The following KIF13B variants were observed in gnomAD, a reference collection of about 807,000 sequenced individuals.
The protein encoded by KIF13B is kinesin-like protein KIF13B.
KIF13B carries 127 observed loss-of-function variants against 222.0 expected under a neutral mutation model. That is an observed-to-expected ratio of 0.57 (90% CI 0.50 to 0.66). The LOEUF is 0.66. Ranked by LOEUF, KIF13B falls within the 30% of genes least tolerant of loss-of-function variation. The pLI, the probability that KIF13B is intolerant of heterozygous loss-of-function variation, is 0.00. For missense variants in KIF13B, 2,173 were observed against 2,379.0 expected (o/e 0.91, Z 1.80); for synonymous variants, 976 against 919.0 (o/e 1.06, Z -1.12).
At chr8:29,192,769 C>G (rs1813243089) in intron 3 of KIF13B, among the ~76,000 whole-genome samples, 1 of 151,886 alleles carries the variant, frequency 6.6e-6, no homozygotes, top group African/African-American at 2.4e-5. Context: ...AAAATTAACT[C>G]AAAACGACAG....
intron 2 of KIF13B, among the ~76,000 whole-genome samples, chr8:29,228,475 AT>A (rs1563808282): frequency 4.2e-5 from 6 of 143,816 alleles, no homozygotes; most frequent in Middle Eastern, 3.3e-3. Context: ...TTAAAAAAAT[AT>A]ATATATATAT....
intron 2 of KIF13B, among the ~76,000 whole-genome samples, chr8:29,241,657 C>A (rs927564526): frequency 6.9e-6 from 1 of 144,848 alleles, no homozygotes; most frequent in Non-Finnish European, 1.5e-5. Flanking sequence ...GACATCACAG[C>A]GAAGCAGTCT....
At chr8:29,221,357 C>T (rs1258138260) in intron 2 of KIF13B, among the ~76,000 whole-genome samples, 1 of 151,540 alleles carries the variant, frequency 6.6e-6, no homozygotes, top group African/African-American at 2.4e-5. Flanking sequence ...CCCGCTTCGG[C>T]CTCCCAAAAT....
chr8:29,117,738 A>T (rs995118784), intron 30 of KIF13B, among the ~76,000 whole-genome samples: 3 of 152,260 alleles, frequency 2.0e-5, no homozygotes, highest in Non-Finnish European at 4.4e-5. Context: ...TCCTTCCTGA[A>T]TATATTTCAT....
Position 29,140,548 on chromosome 8 carries a change from C to T in KIF13B, c.2404G>A (p.Val802Met). The T allele has an allele frequency of 6.2e-7, 1 of 1,613,180 alleles. No homozygotes were observed. The change falls in exon 20 of 40, where the codon GTG becomes ATG. Residue 802 changes from valine (V) to methionine (M), a missense_variant. Coordinates refer to ENST00000524189, the MANE Select transcript of KIF13B (RefSeq NM_015254.4). Reference protein sequence around the residue: ...DEQENHSLIGVANVFLESLFY... With the variant: ...DEQENHSLIGMANVFLESLFY... ...AGTGACTCGAGGAAGACATTGGCCA[C>T]CCCAATGAGACTGTGATTTTCCTGC...
Position 29,245,559 on chromosome 8 carries a change from G to A in KIF13B, c.56-120C>T, listed in dbSNP as rs1466411399. 5 of 682,862 alleles carry A rather than the reference G, an allele frequency of 7.3e-6. No individual in the cohort carries two copies. The East Asian group carries it at 8.5e-5, about 12-fold the overall frequency. The allele number at this position is 682,862 out of a possible 1,614,324, so 42.3% of individuals were successfully genotyped here. A position where few individuals can be genotyped will look rare whatever the true frequency, so the allele number is the denominator to read the frequency against. Reference sequence around the variant, plus strand: ...CATAATGCAAACACTCAATGAAGTAGGAATAAAAAAAACTTCCTCCACTTG... The same window carrying A: ...CATAATGCAAACACTCAATGAAGTAAGAATAAAAAAAACTTCCTCCACTTG... On this transcript the variant is annotated intron_variant, in intron 1 of 39. Transcript: ENST00000524189.
At chr8:29,229,564 A>G (rs1002517432) in intron 2 of KIF13B, among the ~76,000 whole-genome samples, 2 of 152,258 alleles carry the variant, frequency 1.3e-5, no homozygotes, top group African/African-American at 2.4e-5. Flanking sequence ...TCCACAAACT[A>G]AAGTCTCTAT....
In KIF13B at chr8:29,167,438, C is replaced by G. The variant is rs375870077; in HGVS notation, c.1093G>C (p.Ala365Pro). ...TCCCGGAGATCCCGGATAATTCGGG[C>G]ATTAGGGTCCTCATTCACCACAGCG... ...NHAVVNEDPN[A>P]RIIRDLREEV... The change falls in exon 11 of 40, where the codon GCC becomes CCC. Residue 365 changes from alanine (A) to proline (P), a missense_variant. Physicochemically the swap from Ala to Pro is conservative, Grantham distance 27 (BLOSUM62 -1). Transcript: ENST00000524189. 2 of 1,613,882 alleles carry G rather than the reference C, an allele frequency of 1.2e-6. No homozygotes were observed. The highest frequency in any genetic ancestry group is 1.7e-6 in the Non-Finnish European group (2 of 1,179,882).
Position 29,148,384 on chromosome 8 carries a change from T to C in KIF13B, c.1813+193A>G, listed in dbSNP as rs118066129. Among the ~76,000 whole-genome samples the C allele has an allele frequency of 0.023, 3,445 of 150,252 alleles. 67 individuals carry two copies. Among genetic ancestry groups the C allele is most frequent in the Middle Eastern group, 0.045 (13 of 292 alleles). ...ATTTGAAAGTCCCCAATCATAAACA[T>C]TTTTAACACTCTACCGTTTTTTTTT... On this transcript the variant is annotated intron_variant, in intron 16 of 39. Coordinates refer to ENST00000524189, the MANE Select transcript of KIF13B (RefSeq NM_015254.4).
intron 26 of KIF13B, among the ~76,000 whole-genome samples, chr8:29,125,882 G>A (rs1017309742): frequency 6.6e-6 from 1 of 152,174 alleles, no homozygotes; most frequent in Admixed American, 6.5e-5. Context: ...GCCTAGGCGG[G>A]TGGATCACAA....
chr8:29,194,902 G>C (rs1253033960), intron 3 of KIF13B, among the ~76,000 whole-genome samples: 3 of 152,054 alleles, frequency 2.0e-5, no homozygotes, highest in African/African-American at 7.2e-5. Flanking sequence ...TAAATCACCA[G>C]GCAATGGTTC....
At chr8:29,079,112 C>T (rs907825913) in intron 37 of KIF13B, among the ~76,000 whole-genome samples, 1 of 152,182 alleles carries the variant, frequency 6.6e-6, no homozygotes, top group Non-Finnish European at 1.5e-5. Flanking sequence ...AGGGGACACA[C>T]CTTGCTTTGC....
chr8:29,215,290 G>A (rs912405976), intron 2 of KIF13B, among the ~76,000 whole-genome samples: 1 of 151,996 alleles, frequency 6.6e-6, no homozygotes, highest in Admixed American at 6.6e-5. Flanking sequence ...GCAAATTTGG[G>A]GCAACACCTG....
chr8:29,197,357 A>AAAC (rs1813485015), intron 2 of KIF13B, among the ~76,000 whole-genome samples: 1 of 149,630 alleles, frequency 6.7e-6, no homozygotes, highest in Non-Finnish European at 1.5e-5. Context: ...AAAAAAAAAA[A>AAAC]AAAACTCAAT....
At chr8:29,180,812 C>CTT (rs572455928) in intron 7 of KIF13B, among the ~76,000 whole-genome samples, 2 of 142,854 alleles carry the variant, frequency 1.4e-5, no homozygotes, top group Non-Finnish European at 3.1e-5. Flanking sequence ...AAGGGATTTT[C>CTT]TTTTTTTTTT....
intron 12 of KIF13B, among the ~76,000 whole-genome samples, chr8:29,164,102 T>A (rs1811892049): frequency 6.6e-6 from 1 of 152,200 alleles, no homozygotes; most frequent in Non-Finnish European, 1.5e-5. Context: ...TACCTATAGA[T>A]TTAGTATACT....
intron 37 of KIF13B, among the ~76,000 whole-genome samples, chr8:29,076,207 G>A (rs1807551600): frequency 6.6e-6 from 1 of 152,190 alleles, no homozygotes; most frequent in Non-Finnish European, 1.5e-5. Flanking sequence ...CCCAGAAGAA[G>A]CTGGGAACAT....
intron 10 of KIF13B, among the ~76,000 whole-genome samples, chr8:29,171,573 AG>A (rs1241479519): frequency 6.6e-6 from 1 of 151,934 alleles, no homozygotes; most frequent in Non-Finnish European, 1.5e-5. Context: ...AGAAGGAAAA[AG>A]CAACAGGGAC....
intron 28 of KIF13B, among the ~76,000 whole-genome samples, 158 bp downstream of exon 28, chr8:29,123,208 C>T (rs1369322536): frequency 6.6e-6 from 1 of 152,178 alleles, no homozygotes; most frequent in Admixed American, 6.5e-5. Flanking sequence ...CATAGTTATT[C>T]AACTCATGAA....
Sources: gnomAD v4.1 joint callset for allele counts (sites outside exome capture counted in the v4.1 genomes callset) on GRCh38, gnomAD v4.1.1 for gene constraint, MANE v1.5 for transcripts, NCBI Gene and HGNC (gene_info 2026-07-23, HGNC 2026-07-21) for gene names.